Variants in MED13 observed in about 807,000 individuals in gnomAD.
The protein encoded by MED13 is mediator complex subunit 13.
A neutral mutation model predicts 225.2 loss-of-function variants in MED13; 23 were observed. That is an observed-to-expected ratio of 0.10 (90% CI 0.07 to 0.14). The LOEUF (loss-of-function observed/expected upper bound fraction) is 0.14. Among genes scored for constraint, MED13 ranks in the 10% least tolerant of loss-of-function variants. The pLI, the probability that MED13 is intolerant of heterozygous loss-of-function variation, is 1.00. For synonymous variants in MED13, 942 were observed against 889.2 expected, an observed-to-expected ratio of 1.06 and a Z score of -1.06; for missense variants, 2,197 against 2,594.5, an observed-to-expected ratio of 0.85 and a Z score of 3.33.
chr17:61,994,835 G>A (rs1046607164), intron 10 of MED13, among the ~76,000 whole-genome samples: 9 of 151,940 alleles, frequency 5.9e-5, no homozygotes, highest in East Asian at 3.9e-4. Flanking sequence ...TCAGCCTCCC[G>A]AATAGCTGGG....
chr17:62,025,733 A>T (rs1019897151), intron 8 of MED13, among the ~76,000 whole-genome samples: 1 of 152,250 alleles, frequency 6.6e-6, no homozygotes, highest in Non-Finnish European at 1.5e-5. Context: ...TGGCGAATTC[A>T]TCACTGTTTG....
chr17:62,001,914 A>C (rs1603400314), intron 9 of MED13, among the ~76,000 whole-genome samples: 1 of 152,236 alleles, frequency 6.6e-6, no homozygotes, highest in East Asian at 1.9e-4. Flanking sequence ...GAAAAATAAT[A>C]CTCCTAAGAA....
intron 2 of MED13, among the ~76,000 whole-genome samples, chr17:62,056,253 CG>C (rs2080995658): frequency 6.6e-6 from 1 of 152,090 alleles, no homozygotes; most frequent in Non-Finnish European, 1.5e-5. Context: ...ACTTTCTACA[CG>C]TTGTATTCAG....
At chr17:62,041,009 G>C (rs1375867480) in intron 3 of MED13, among the ~76,000 whole-genome samples, 2 of 152,180 alleles carry the variant, frequency 1.3e-5, no homozygotes, top group African/African-American at 4.8e-5. Context: ...ATTACCATAT[G>C]ATCCAGCAAT....
Position 61,943,627 on chromosome 17 carries a change from T to C in MED13, c.*2841A>G, listed in dbSNP as rs993786024. 2.6e-5 allele frequency: 4 copies of C among 152,578 alleles called. No homozygotes were observed. Among genetic ancestry groups the C allele is most frequent in the Non-Finnish European group, 5.9e-5 (4 of 67,996 alleles). The allele number at this position is 152,578 out of a possible 1,614,324, so 9.5% of individuals were successfully genotyped here. A position where few individuals can be genotyped will look rare whatever the true frequency, so the allele number is the denominator to read the frequency against. On this transcript the variant is annotated 3_prime_UTR_variant, in exon 30 of 30. Transcript: ENST00000397786. ...TTACAGCTACTTTAAAATTTAAGGA[T>C]TACATATAAGTACACTTGGTGGCCT... is the stretch of plus-strand genomic sequence containing the variant.
At chr17:62,059,739 G>A (rs2081023361) in intron 2 of MED13, among the ~76,000 whole-genome samples, 2 of 152,096 alleles carry the variant, frequency 1.3e-5, no homozygotes, top group African/African-American at 2.4e-5. Flanking sequence ...GCTGTCCCTA[G>A]AGCAAAGAAA....
chr17:62,042,659 ATTG>A lies in MED13; in HGVS notation c.471-7054_471-7052del, dbSNP rs1385825401. Among the ~76,000 whole-genome samples, 3 of 150,262 alleles carry A rather than the reference ATTG, an allele frequency of 2.0e-5. No individual in the cohort carries two copies. The Admixed American group carries it at 2.0e-4, about 10-fold the overall frequency. ...AGTGTTCTGCAAAATGCTGCTTTTTATTGTTGTTTTTAAGTATTATGGTTTTTA... is the reference window on the plus strand; with the variant it reads ...AGTGTTCTGCAAAATGCTGCTTTTTATTGTTTTTAAGTATTATGGTTTTTA... On this transcript the variant is annotated intron_variant, in intron 3 of 29. Transcript: ENST00000397786.
At chr17:62,012,352 G>A (rs2080519007) in intron 8 of MED13, among the ~76,000 whole-genome samples, 1 of 144,590 alleles carries the variant, frequency 6.9e-6, no homozygotes, top group South Asian at 2.2e-4. Context: ...TTTTTGAGAG[G>A]GAGTTTCGCT....
rs1289300771 is a variant in MED13 at position 61,983,396 on chromosome 17, ATT to A, written c.2889-284_2889-283del. Among the ~76,000 whole-genome samples the A allele has an allele frequency of 7.2e-5, 11 of 152,264 alleles. No homozygotes were observed. In the East Asian group the frequency reaches 2.1e-3, roughly 29 times the overall value. On this transcript the variant is annotated intron_variant, in intron 15 of 29. Transcript: ENST00000397786. ...AGACATCCATATTTACTATCTATAAATTTTGTTTACTAGAAATACTTATATTT... is the reference window on the plus strand; with the variant it reads ...AGACATCCATATTTACTATCTATAAATTGTTTACTAGAAATACTTATATTT...
chr17:61,983,166 T>A, intron 15 of MED13, 52 bp from the exon 16 acceptor site: 2 of 1,381,050 alleles, frequency 1.4e-6, no homozygotes, highest in Non-Finnish European at 1.9e-6. Context: ...AGGAACATAT[T>A]AGTAATGTGA....
intron 5 of MED13, 150 bp from the exon 6 acceptor site, chr17:62,031,788 T>C (rs1431782514): frequency 1.8e-5 from 8 of 453,466 alleles, no homozygotes; most frequent in Non-Finnish European, 2.5e-5. Context: ...GGCATAAGTT[T>C]TTCTTTTCTT....
At chr17:61,986,239 ATATATG>A (rs1278529866) in intron 12 of MED13, among the ~76,000 whole-genome samples, 1 of 152,180 alleles carries the variant, frequency 6.6e-6, no homozygotes, top group African/African-American at 2.4e-5. Flanking sequence ...TGCAATATAT[ATATATG>A]TATATGTACA....
intron 9 of MED13, among the ~76,000 whole-genome samples, chr17:62,002,971 C>A (rs1053198831): frequency 5.3e-5 from 8 of 152,196 alleles, no homozygotes; most frequent in African/African-American, 1.9e-4. Flanking sequence ...TATTTAGCAG[C>A]ATCTCTAATT....
At chr17:62,034,774 T>G (rs1328833391) in intron 4 of MED13, among the ~76,000 whole-genome samples, 1 of 152,172 alleles carries the variant, frequency 6.6e-6, no homozygotes, top group African/African-American at 2.4e-5. Context: ...AGAATTCAAC[T>G]TTTTTCATAG....
intron 2 of MED13, among the ~76,000 whole-genome samples, chr17:62,059,169 A>G (rs1038914281): frequency 2.0e-5 from 3 of 152,216 alleles, no homozygotes; most frequent in Non-Finnish European, 4.4e-5. Flanking sequence ...TAGGCAAAAA[A>G]ATAAAGGAAA....
intron 17 of MED13, among the ~76,000 whole-genome samples, chr17:61,971,237 A>G (rs2080105491): frequency 6.6e-6 from 1 of 151,938 alleles, no homozygotes; most frequent in African/African-American, 2.4e-5. Flanking sequence ...TGATCTCCAA[A>G]ATCAGTTAAG....
Position 61,977,005 on chromosome 17 carries a change from T to C in MED13, c.3806-4117A>G, listed in dbSNP as rs373427099. Among the ~76,000 whole-genome samples the C allele has an allele frequency of 5.9e-5, 9 of 152,322 alleles. No individual in the cohort carries two copies. In the South Asian group the frequency reaches 1.0e-3, roughly 18 times the overall value. Reference sequence around the variant, plus strand: ...TATACTTTGTAGACTTTTAAATTCATTCAAACATAACCTTCTTTCAAGATG... The same window carrying C: ...TATACTTTGTAGACTTTTAAATTCACTCAAACATAACCTTCTTTCAAGATG... On this transcript the variant is annotated intron_variant, in intron 16 of 29. Transcript: ENST00000397786.
At chr17:62,049,085 A>AG (rs1603409189) in intron 3 of MED13, among the ~76,000 whole-genome samples, 1 of 150,438 alleles carries the variant, frequency 6.6e-6, no homozygotes, top group East Asian at 2.0e-4. Context: ...AGACAAAAAA[A>AG]AAAAAAAAAA....
intron 2 of MED13, among the ~76,000 whole-genome samples, chr17:62,062,584 C>A (rs1002305011): frequency 2.7e-5 from 2 of 73,464 alleles, no homozygotes; most frequent in African/African-American, 8.3e-5. Context: ...TTAAAACACA[C>A]ACACACACAC....
Sources: gnomAD v4.1 joint callset for allele counts (sites outside exome capture counted in the v4.1 genomes callset) on GRCh38, gnomAD v4.1.1 for gene constraint, MANE v1.5 for transcripts, NCBI Gene and HGNC (gene_info 2026-07-23, HGNC 2026-07-21) for gene names.